The following ARHGAP15 variants were observed in gnomAD, a reference collection of about 807,000 sequenced individuals.
ARHGAP15 encodes rho GTPase-activating protein 15.
ARHGAP15 carries 51 observed loss-of-function variants against 63.7 expected under a neutral mutation model. The observed-to-expected ratio is 0.80, with a 90% CI of 0.64 to 1.01. The LOEUF (loss-of-function observed/expected upper bound fraction) is 1.01. Ranked by LOEUF, ARHGAP15 falls within the 50% of genes least tolerant of loss-of-function variation. ARHGAP15 has a pLI of 0.00. For synonymous variants in ARHGAP15, 191 were observed against 193.8 expected (o/e 0.99, Z 0.12); for missense variants, 560 against 564.6 (o/e 0.99, Z 0.08).
At chr2:143,763,411 T>G (rs1326463736) in intron 13 of ARHGAP15, among the ~76,000 whole-genome samples, 1 of 152,082 alleles carries the variant, frequency 6.6e-6, no homozygotes, top group Non-Finnish European at 1.5e-5. Flanking sequence ...GCTGGAAATG[T>G]CTATCCCCAC....
At chr2:143,582,479 TA>T (rs1559063723) in intron 11 of ARHGAP15, among the ~76,000 whole-genome samples, 1 of 152,154 alleles carries the variant, frequency 6.6e-6, no homozygotes, top group Non-Finnish European at 1.5e-5. Context: ...GGGGCATTGA[TA>T]AATCCTACCC....
At chr2:143,175,799 A>T (rs1690989423) in intron 2 of ARHGAP15, among the ~76,000 whole-genome samples, 2 of 152,288 alleles carry the variant, frequency 1.3e-5, no homozygotes, top group Non-Finnish European at 2.9e-5. Context: ...ATTAATGATG[A>T]TCATCTTGAA....
intron 2 of ARHGAP15, among the ~76,000 whole-genome samples, chr2:143,178,144 G>A (rs1026534254): frequency 6.6e-6 from 1 of 152,178 alleles, no homozygotes; most frequent in African/African-American, 2.4e-5. Flanking sequence ...GTACAGAAGA[G>A]ATGCCAGCCT....
At chr2:143,191,682 C>A (rs973039722) in intron 2 of ARHGAP15, among the ~76,000 whole-genome samples, 17 of 152,288 alleles carry the variant, frequency 1.1e-4, no homozygotes, top group Non-Finnish European at 2.2e-4. Flanking sequence ...CTAAATCATA[C>A]CACAGCAATC....
At chr2:143,602,705 C>A (rs1371180898) in intron 11 of ARHGAP15, among the ~76,000 whole-genome samples, 1 of 152,036 alleles carries the variant, frequency 6.6e-6, no homozygotes, top group Non-Finnish European at 1.5e-5. Context: ...ACACTGCACT[C>A]CCTCACATGT....
chr2:143,604,369 C>G (rs768481787), intron 11 of ARHGAP15, among the ~76,000 whole-genome samples: 18 of 152,282 alleles, frequency 1.2e-4, no homozygotes, highest in Admixed American at 2.6e-4. Context: ...GTGCACTGTT[C>G]TTCACGCATC....
intron 13 of ARHGAP15, among the ~76,000 whole-genome samples, chr2:143,762,591 A>C (rs1256057044): frequency 6.6e-6 from 1 of 152,146 alleles, no homozygotes; most frequent in Non-Finnish European, 1.5e-5. Flanking sequence ...CCTTAGCAAA[A>C]CACATAGAAC....
chr2:143,236,035 G>T (rs1161734079), intron 5 of ARHGAP15: 1 of 1,522,708 alleles, frequency 6.6e-7, no homozygotes, highest in Non-Finnish European at 8.8e-7. Flanking sequence ...CCCATTTGAT[G>T]GATTGCATCA....
At chr2:143,152,189 C>A (rs963070846) in intron 1 of ARHGAP15, among the ~76,000 whole-genome samples, 2 of 152,002 alleles carry the variant, frequency 1.3e-5, no homozygotes, top group Non-Finnish European at 2.9e-5. Context: ...GATATCCCCA[C>A]AGAGAGGTCA....
At chr2:143,703,139 T>C (rs1229807537) in intron 12 of ARHGAP15, among the ~76,000 whole-genome samples, 1 of 152,238 alleles carries the variant, frequency 6.6e-6, no homozygotes, top group Non-Finnish European at 1.5e-5. Flanking sequence ...ACAGCCATTC[T>C]ATCTACATTC....
intron 6 of ARHGAP15, among the ~76,000 whole-genome samples, chr2:143,251,849 A>G (rs1680173319): frequency 6.6e-6 from 1 of 152,080 alleles, no homozygotes; most frequent in African/African-American, 2.4e-5. Flanking sequence ...AGAAGGAGAA[A>G]TAAACTTTCT....
rs550905771 is a variant in ARHGAP15, at chr2:143,183,576, C to T, written c.166-18558C>T. On this transcript the variant is annotated intron_variant, in intron 2 of 13. Transcript: ENST00000295095. ...TCTAAAAAGGATAAGATAAGAAATACGAGCTCACAAAGGGGGAATAAAAGT... is the reference window on the plus strand; with the variant it reads ...TCTAAAAAGGATAAGATAAGAAATATGAGCTCACAAAGGGGGAATAAAAGT... Among the ~76,000 whole-genome samples, 5 of 152,010 alleles carry T rather than the reference C, an allele frequency of 3.3e-5. No individual in the cohort carries two copies. The South Asian group carries it at 8.3e-4, about 25-fold the overall frequency.
intron 6 of ARHGAP15, among the ~76,000 whole-genome samples, chr2:143,359,003 T>A (rs1397682561): frequency 1.3e-5 from 2 of 151,862 alleles, no homozygotes; most frequent in African/African-American, 4.8e-5. Context: ...AAACAAAATA[T>A]GTATAAAATG....
chr2:143,626,145 T>C (rs1262086547), intron 12 of ARHGAP15, among the ~76,000 whole-genome samples: 1 of 152,044 alleles, frequency 6.6e-6, no homozygotes, highest in Non-Finnish European at 1.5e-5. Flanking sequence ...CAGCAGACTA[T>C]TGGGATTGAT....
chr2:143,604,294 C>A (rs1697897565), intron 11 of ARHGAP15, among the ~76,000 whole-genome samples: 1 of 152,294 alleles, frequency 6.6e-6, no homozygotes, highest in Middle Eastern at 3.4e-3. Context: ...CACCATGGAT[C>A]CTTGAGAGCT....
At chr2:143,171,094 T>C (rs932424666) in intron 2 of ARHGAP15, among the ~76,000 whole-genome samples, 2 of 152,088 alleles carry the variant, frequency 1.3e-5, no homozygotes, top group African/African-American at 4.8e-5. Context: ...AAATAGAATT[T>C]AGAGATACCT....
At chr2:143,711,477 G>C (rs1282813442) in intron 13 of ARHGAP15, among the ~76,000 whole-genome samples, 1 of 152,140 alleles carries the variant, frequency 6.6e-6, no homozygotes, top group Non-Finnish European at 1.5e-5. Flanking sequence ...CAAGAACATG[G>C]AAGAGAACTG....
At chr2:143,371,224 C>T (rs1400340383) in intron 6 of ARHGAP15, among the ~76,000 whole-genome samples, 2 of 152,136 alleles carry the variant, frequency 1.3e-5, no homozygotes, top group Admixed American at 6.5e-5. Context: ...CATAGGTATA[C>T]GTGTGCCATG....
At chr2:143,332,900 T>C (rs1684610948) in intron 6 of ARHGAP15, among the ~76,000 whole-genome samples, 1 of 147,706 alleles carries the variant, frequency 6.8e-6, no homozygotes, top group African/African-American at 2.5e-5. Flanking sequence ...ATAGTACGTA[T>C]AAAAACCTTG....
Sources: allele counts gnomAD v4.1 joint callset (sites outside exome capture counted in the v4.1 genomes callset), GRCh38; gene constraint gnomAD v4.1.1; transcripts MANE v1.5; gene names NCBI Gene and HGNC (gene_info 2026-07-23, HGNC 2026-07-21).